NRXN3: variants seen among roughly 807,000 people sequenced by gnomAD.
NRXN3 encodes the protein neurexin III.
NRXN3 carries 32 observed loss-of-function variants against 137.6 expected under a neutral mutation model. That is an observed-to-expected ratio of 0.23 (90% CI 0.18 to 0.31). The LOEUF (loss-of-function observed/expected upper bound fraction) is 0.31. NRXN3 is among the 10% of genes least tolerant of loss of function. NRXN3 has a pLI of 1.00. For missense variants in NRXN3, 1,574 were observed against 2,062.5 expected (o/e 0.76, Z 4.59); for synonymous variants, 798 against 784.5 (o/e 1.02, Z -0.29).
At chr14:78,583,087 G>A (rs1223491875) in intron 4 of NRXN3, among the ~76,000 whole-genome samples, 1 of 152,130 alleles carries the variant, frequency 6.6e-6, no homozygotes, top group East Asian at 1.9e-4. Context: ...CATTCACACA[G>A]GCAATGTACT....
intron 16 of NRXN3, among the ~76,000 whole-genome samples, chr14:79,514,144 T>C (rs1334776153): frequency 6.6e-6 from 1 of 151,904 alleles, no homozygotes; most frequent in Non-Finnish European, 1.5e-5. Context: ...GAGATAGAGA[T>C]ATAGGCAATG....
chr14:79,359,175 A>G (rs2093595857), intron 15 of NRXN3, among the ~76,000 whole-genome samples: 1 of 152,212 alleles, frequency 6.6e-6, no homozygotes, highest in South Asian at 2.1e-4. Context: ...TAGGTAGCAA[A>G]GACAATTCTT....
chr14:79,185,687 G>C (rs909714836), intron 15 of NRXN3, among the ~76,000 whole-genome samples: 21 of 151,940 alleles, frequency 1.4e-4, no homozygotes, highest in South Asian at 8.3e-4. Flanking sequence ...GGATGGTCTC[G>C]ATCTCCTGAC....
chr14:78,984,432 A>G (rs1330193749), intron 14 of NRXN3, among the ~76,000 whole-genome samples: 1 of 152,236 alleles, frequency 6.6e-6, no homozygotes, highest in African/African-American at 2.4e-5. Context: ...GATGAAGAGT[A>G]AAAGTTCTGC....
chr14:78,642,732 G>A (rs1401598709), intron 4 of NRXN3, among the ~76,000 whole-genome samples: 1 of 152,144 alleles, frequency 6.6e-6, no homozygotes, highest in African/African-American at 2.4e-5. Flanking sequence ...TTGTCCAATT[G>A]CATTTTAACA....
chr14:79,847,145 A>G (rs1378217621), intron 20 of NRXN3, among the ~76,000 whole-genome samples: 1 of 152,318 alleles, frequency 6.6e-6, no homozygotes, highest in South Asian at 2.1e-4. Context: ...GGGCTACTCC[A>G]AGTGTGATCT....
intron 15 of NRXN3, among the ~76,000 whole-genome samples, chr14:79,179,853 G>A (rs1455197914): frequency 6.6e-6 from 1 of 152,160 alleles, no homozygotes. Flanking sequence ...ATCCTGCACG[G>A]ATAATTCCCC....
At chr14:78,890,798 T>A (rs1309489853) in intron 10 of NRXN3, among the ~76,000 whole-genome samples, 1 of 151,912 alleles carries the variant, frequency 6.6e-6, no homozygotes, top group Non-Finnish European at 1.5e-5. Context: ...CTTCAGGCAT[T>A]CATAATTTCA....
rs1357540133 is a variant in NRXN3, at chr14:79,720,190, G to A, written c.4014+22253G>A. On this transcript the variant is annotated intron_variant, in intron 19 of 20. Coordinates refer to ENST00000335750, the MANE Select transcript of NRXN3 (RefSeq NM_001330195.2). ...GAAGAAAGACACGTTTTACATGTCA[G>A]CAGGCAAGAGTGTGTGTGCAGGCGA... Among the ~76,000 whole-genome samples the A allele has an allele frequency of 5.3e-5, 8 of 152,254 alleles. 1 individual carries two copies. In the East Asian group the frequency reaches 1.5e-3, roughly 29 times the overall value.
At chr14:78,838,859 G>A (rs2099004295) in intron 10 of NRXN3, among the ~76,000 whole-genome samples, 2 of 152,134 alleles carry the variant, frequency 1.3e-5, no homozygotes, top group Admixed American at 1.3e-4. Context: ...TGGCCTCAGA[G>A]AAGGAGCTGC....
At chr14:78,819,097 TC>T in intron 10 of NRXN3, among the ~76,000 whole-genome samples, 1 of 152,174 alleles carries the variant, frequency 6.6e-6, no homozygotes, top group Non-Finnish European at 1.5e-5. Flanking sequence ...GCTTGGAGCC[TC>T]GCAAGCTGTG....
chr14:79,120,630 T>C (rs1394628825), intron 15 of NRXN3, among the ~76,000 whole-genome samples: 1 of 152,126 alleles, frequency 6.6e-6, no homozygotes, highest in Non-Finnish European at 1.5e-5. Flanking sequence ...TGAAAGTATC[T>C]ACTCTAAAAT....
intron 4 of NRXN3, among the ~76,000 whole-genome samples, chr14:78,434,866 G>A (rs2094009264): frequency 6.6e-6 from 1 of 152,178 alleles, no homozygotes; most frequent in African/African-American, 2.4e-5. Flanking sequence ...AGGAGGCCAG[G>A]TGGTGAGAAG....
intron 15 of NRXN3, among the ~76,000 whole-genome samples, chr14:79,195,073 C>G (rs538744418): frequency 1.7e-4 from 26 of 152,068 alleles, no homozygotes; most frequent in Admixed American, 1.7e-3. Context: ...CCCTTCTTAT[C>G]CTTCATTTTC....
At chr14:79,598,455 T>C (rs1057472827) in intron 16 of NRXN3, among the ~76,000 whole-genome samples, 1 of 152,178 alleles carries the variant, frequency 6.6e-6, no homozygotes, top group African/African-American at 2.4e-5. Flanking sequence ...TTGGCTCCAT[T>C]TTCTCGTATT....
chr14:78,547,692 G>T (rs185417767), intron 4 of NRXN3, among the ~76,000 whole-genome samples: 5 of 151,226 alleles, frequency 3.3e-5, no homozygotes, highest in East Asian at 1.9e-4. Context: ...TTAAATTTTT[G>T]GGGGAGATGT....
At chr14:79,511,070 A>G (rs1436292957) in intron 16 of NRXN3, among the ~76,000 whole-genome samples, 1 of 152,204 alleles carries the variant, frequency 6.6e-6, no homozygotes, top group Non-Finnish European at 1.5e-5. Context: ...TCTGTTAAAG[A>G]GGAAGAAATA....
At chr14:79,083,618 T>C (rs903183732) in intron 15 of NRXN3, among the ~76,000 whole-genome samples, 11 of 152,354 alleles carry the variant, frequency 7.2e-5, no homozygotes, top group African/African-American at 2.6e-4. Context: ...TTCGCTGTTA[T>C]CGTTGTCATG....
At chr14:78,942,248 T>C (rs1393462757) in intron 10 of NRXN3, among the ~76,000 whole-genome samples, 2 of 152,196 alleles carry the variant, frequency 1.3e-5, no homozygotes, top group Non-Finnish European at 2.9e-5. Context: ...ACCAACCTGC[T>C]TCTTACCAAC....
Sources: gnomAD v4.1 joint callset for allele counts (sites outside exome capture counted in the v4.1 genomes callset) on GRCh38, gnomAD v4.1.1 for gene constraint, MANE v1.5 for transcripts, NCBI Gene and HGNC (gene_info 2026-07-23, HGNC 2026-07-21) for gene names.